Variants in LRRC36 observed in about 807,000 individuals in gnomAD.
LRRC36 encodes the protein leucine rich repeat containing 36, also known as leucine-rich repeat-containing protein 36.
A neutral mutation model predicts 81.1 loss-of-function variants in LRRC36; 62 were observed. The observed-to-expected ratio is 0.76, with a 90% CI of 0.62 to 0.94. LRRC36 has a LOEUF of 0.94. Ranked by LOEUF, LRRC36 falls within the 40% of genes least tolerant of loss-of-function variation. LRRC36 has a pLI of 0.00. For missense variants in LRRC36, 761 were observed against 881.7 expected (o/e 0.86, Z 1.73); for synonymous variants, 334 against 348.6 (o/e 0.96, Z 0.47).
At chr16:67,343,165 G>T (rs1028673128) in intron 2 of LRRC36, among the ~76,000 whole-genome samples, 11 of 152,120 alleles carry the variant, frequency 7.2e-5, no homozygotes, top group African/African-American at 2.7e-4. Context: ...TCTTTTGTTT[G>T]TTTATTCTTT....
At chr16:67,361,703 G>T (rs1386961144) in intron 5 of LRRC36, among the ~76,000 whole-genome samples, 1 of 152,070 alleles carries the variant, frequency 6.6e-6, no homozygotes, top group Non-Finnish European at 1.5e-5. Context: ...CTCTTGAGTA[G>T]CTGGGATTAC....
At chr16:67,382,086 T>A (rs766518869) in intron 12 of LRRC36, 47 bp from the exon 13 acceptor site, 2 of 1,287,882 alleles carry the variant, frequency 1.6e-6, no homozygotes, top group East Asian at 4.6e-5. Context: ...GCTCAAAGAC[T>A]AGCAGCTTGG....
intron 1 of LRRC36, among the ~76,000 whole-genome samples, chr16:67,336,935 T>C (rs1234656918): frequency 6.6e-6 from 1 of 152,002 alleles, no homozygotes; most frequent in East Asian, 1.9e-4. Flanking sequence ...ACCCGGCTAA[T>C]TTTTTTAATT....
intron 5 of LRRC36, among the ~76,000 whole-genome samples, chr16:67,355,914 A>G (rs187051013): frequency 6.6e-6 from 1 of 152,250 alleles, no homozygotes; most frequent in African/African-American, 2.4e-5. Flanking sequence ...GGAGCAGCAC[A>G]TTTTGATTGG....
intron 1 of LRRC36, among the ~76,000 whole-genome samples, chr16:67,330,739 C>T (rs2037441567): frequency 6.6e-6 from 1 of 151,954 alleles, no homozygotes; most frequent in Non-Finnish European, 1.5e-5. Context: ...GTGGCAGGTG[C>T]CTATAATCCC....
At chr16:67,375,475 C>T in intron 10 of LRRC36, 63 bp downstream of exon 10, 1 of 1,401,184 alleles carries the variant, frequency 7.1e-7, no homozygotes, top group Non-Finnish European at 9.5e-7. Flanking sequence ...CTGTGTTCTG[C>T]TAAAAGCCAC....
intron 13 of LRRC36, 55 bp downstream of exon 13, chr16:67,382,302 C>T (rs1303494968): frequency 4.7e-6 from 6 of 1,280,028 alleles, no homozygotes; most frequent in Non-Finnish European, 6.7e-6. Flanking sequence ...CTCCTTTTAT[C>T]TCCTTTGTTT....
chr16:67,353,112 T>C (rs769207995), intron 5 of LRRC36, among the ~76,000 whole-genome samples: 1 of 152,200 alleles, frequency 6.6e-6, no homozygotes, highest in African/African-American at 2.4e-5. Context: ...ACTTGTAATA[T>C]ACACTTGGAA....
Position 67,375,322 on chromosome 16 carries a change from C to T in LRRC36, c.1570C>T (p.His524Tyr), listed in dbSNP as rs763738819. Residue 524 changes from histidine to tyrosine, a missense_variant, in exon 10 of 14, where the codon CAT becomes TAT. Physicochemically the swap from His to Tyr is moderately conservative, Grantham distance 83. Around this residue, in one of 3 missense-constraint regions of LRRC36, gnomAD observed 359 missense variants for 388.4 expected, o/e 0.92. Transcript: ENST00000329956. ...TCCCCCCATCTCTGCCAGAACCCCC[C>T]ATGTGGCCACTGTCCTCAGACAGCT... is the stretch of plus-strand genomic sequence containing the variant. ...HSPPISARTP[H>Y]VATVLRQLLE... The T allele has an allele frequency of 2.5e-6, 4 of 1,612,562 alleles. No homozygotes were observed. The East Asian group carries it at 8.9e-5, about 36-fold the overall frequency.
intron 9 of LRRC36, among the ~76,000 whole-genome samples, chr16:67,373,455 C>A (rs566262673): frequency 3.9e-5 from 6 of 151,932 alleles, no homozygotes; most frequent in Non-Finnish European, 5.9e-5. Flanking sequence ...CACCTGTAAT[C>A]CCAGCACTTT....
rs576163932 is a variant in LRRC36, at chr16:67,364,921, C to A, written c.703-383C>A. The stretch of plus-strand genomic sequence containing the variant: ...CCTAGTTATGCCTCAGATTAATTTT[C>A]AGCCTATTAAAACCCCCTTAGCTAT... On this transcript the variant is annotated intron_variant, in intron 6 of 13. Coordinates refer to ENST00000329956, the MANE Select transcript of LRRC36 (RefSeq NM_018296.6). Among the ~76,000 whole-genome samples the A allele has an allele frequency of 4.6e-5, 7 of 152,280 alleles. No homozygotes were observed. In the South Asian group the frequency reaches 1.5e-3, roughly 32 times the overall value.
chr16:67,375,932 T>A (rs2039874136), intron 10 of LRRC36, among the ~76,000 whole-genome samples: 2 of 152,374 alleles, frequency 1.3e-5, no homozygotes, highest in Admixed American at 6.5e-5. Context: ...GTTGTTATTT[T>A]CTTTTTGATC....
chr16:67,378,277 T>C (rs2039983494), intron 11 of LRRC36, among the ~76,000 whole-genome samples: 1 of 147,260 alleles, frequency 6.8e-6, no homozygotes, highest in Non-Finnish European at 1.5e-5. Context: ...TCTCGCTCTG[T>C]TGCCCAGGCT....
intron 5 of LRRC36, among the ~76,000 whole-genome samples, chr16:67,361,534 C>T (rs938965021): frequency 6.6e-6 from 1 of 151,924 alleles, no homozygotes; most frequent in Non-Finnish European, 1.5e-5. Flanking sequence ...ATTAAACTAA[C>T]ATCAGAATTT....
chr16:67,349,310 T>G (rs1372597489), intron 4 of LRRC36, among the ~76,000 whole-genome samples: 1 of 152,034 alleles, frequency 6.6e-6, no homozygotes, highest in Admixed American at 6.6e-5. Context: ...GGGTGAAGTT[T>G]TTTTTTTTTT....
At chr16:67,377,884 C>T (rs1209209826) in intron 11 of LRRC36, among the ~76,000 whole-genome samples, 4 of 150,514 alleles carry the variant, frequency 2.7e-5, no homozygotes, top group South Asian at 4.2e-4. Context: ...CCGCCTGCCT[C>T]AGCCTCCCAA....
Position 67,385,026 on chromosome 16 carries a change from A to G in LRRC36, c.2202A>G (p.Ala734=). The G allele has an allele frequency of 6.2e-7, 1 of 1,614,234 alleles. No homozygotes were observed. Among genetic ancestry groups the G allele is most frequent in the Non-Finnish European group, 8.5e-7 (1 of 1,180,044 alleles). The change falls in exon 14 of 14, where the codon GCA becomes GCG. Residue 734 remains alanine (A), a synonymous_variant. Coordinates refer to ENST00000329956, the MANE Select transcript of LRRC36 (RefSeq NM_018296.6). Reference sequence around the variant, plus strand: ...CGTTGTCTTCCTCCTCACCAGTGGCACATGAGACTGGTCAGTATCTAATAC... The same window carrying G: ...CGTTGTCTTCCTCCTCACCAGTGGCGCATGAGACTGGTCAGTATCTAATAC... ...KSTLSSSSPV[A]HETGQYLIQS...
intron 1 of LRRC36, among the ~76,000 whole-genome samples, chr16:67,340,441 A>T (rs1042640361): frequency 1.3e-5 from 2 of 152,020 alleles, no homozygotes; most frequent in Admixed American, 1.3e-4. Context: ...AGACTGGTGG[A>T]TCACCTGAGG....
rs143349893 is a variant in LRRC36, at chr16:67,345,462, T to A, written c.199-794T>A. Among the ~76,000 whole-genome samples, 4 of 152,274 alleles carry A rather than the reference T, an allele frequency of 2.6e-5. No individual in the cohort carries two copies. In the East Asian group the frequency reaches 7.7e-4, roughly 29 times the overall value. ...AGGTTTCAGCAGAGGAAGAAAACTG[T>A]GGCTTTTCCTCTTGAGTTTGCCAGG... On this transcript the variant is annotated intron_variant, in intron 2 of 13. Coordinates refer to ENST00000329956, the MANE Select transcript of LRRC36 (RefSeq NM_018296.6).
Sources: gnomAD v4.1 joint callset for allele counts (sites outside exome capture counted in the v4.1 genomes callset) on GRCh38, gnomAD v4.1.1 for gene constraint, gnomAD v4.1.1 regional missense constraint, MANE v1.5 for transcripts, NCBI Gene and HGNC (gene_info 2026-07-23, HGNC 2026-07-21) for gene names.